The following ZEB2 variants were observed in gnomAD, a reference collection of about 807,000 sequenced individuals.
The protein encoded by ZEB2 is zinc finger E-box binding homeobox 2.
Under a neutral mutation model 99.9 loss-of-function variants are expected in ZEB2, and 6 were observed. That is an observed-to-expected ratio of 0.06 (90% CI 0.03 to 0.12). The LOEUF (loss-of-function observed/expected upper bound fraction) is 0.12, where lower values mean the gene tolerates loss of function less well. ZEB2 is among the 10% of genes least tolerant of loss of function. The pLI is 1.00. For missense variants in ZEB2, 969 were observed against 1,502.8 expected, an observed-to-expected ratio of 0.64 and a Z score of 5.87; for synonymous variants, 517 against 542.5, an observed-to-expected ratio of 0.95 and a Z score of 0.65.
At chr2:144,458,434 T>G (rs1704149756) in intron 2 of ZEB2, among the ~76,000 whole-genome samples, 1 of 152,094 alleles carries the variant, frequency 6.6e-6, no homozygotes, top group Non-Finnish European at 1.5e-5. Context: ...GGGTTTGCAG[T>G]TCTCGCCAGC....
chr2:144,438,994 A>G (rs1459462289), intron 2 of ZEB2, among the ~76,000 whole-genome samples: 2 of 152,132 alleles, frequency 1.3e-5, no homozygotes, highest in Non-Finnish European at 2.9e-5. Flanking sequence ...AAAGGAAGGG[A>G]GTCAGTGATG....
chr2:144,453,743 A>G (rs1208385822), intron 2 of ZEB2, among the ~76,000 whole-genome samples: 1 of 152,212 alleles, frequency 6.6e-6, no homozygotes, highest in Non-Finnish European at 1.5e-5. Context: ...AAGGGCAATC[A>G]GTGTGGAACT....
intron 4 of ZEB2, among the ~76,000 whole-genome samples, chr2:144,421,155 T>C (rs1324182896): frequency 6.6e-6 from 1 of 152,186 alleles, no homozygotes; most frequent in African/African-American, 2.4e-5. Flanking sequence ...CAAGTGCTGT[T>C]TGTCTCCCAT....
At chr2:144,400,900 T>C (rs1218758145) in intron 7 of ZEB2, among the ~76,000 whole-genome samples, 3 of 152,214 alleles carry the variant, frequency 2.0e-5, no homozygotes, top group African/African-American at 7.2e-5. Context: ...TTTCCTCAGG[T>C]CAGAAATATT....
At position 144,384,479 on chromosome 2, in the gene ZEB2, T is replaced by A. The variant is rs1456742713; in HGVS notation, c.*4972A>T. ...ACCCAAAAAATTGGACACAGCCTAC[T>A]AGCCCAAAAAGAACATGTTGCCAAT... On this transcript the variant is annotated 3_prime_UTR_variant, in exon 10 of 10. Coordinates refer to ENST00000627532, the MANE Select transcript of ZEB2 (RefSeq NM_014795.4). 6.6e-6 allele frequency: 1 copy of A among 152,152 alleles called. No homozygotes were observed. Among genetic ancestry groups the A allele is most frequent in the Admixed American group, 6.5e-5 (1 of 15,274 alleles). The allele number at this position is 152,152 out of a possible 1,614,324, so 9.4% of individuals were successfully genotyped here.
intron 2 of ZEB2, among the ~76,000 whole-genome samples, chr2:144,506,099 G>T (rs969854743): frequency 1.3e-5 from 2 of 152,216 alleles, no homozygotes; most frequent in African/African-American, 4.8e-5. Context: ...ATTAATAGGT[G>T]TAAGTTTCGT....
At chr2:144,472,189 TTTC>T (rs1704366435) in intron 2 of ZEB2, among the ~76,000 whole-genome samples, 1 of 145,198 alleles carries the variant, frequency 6.9e-6, no homozygotes, top group African/African-American at 2.6e-5. Context: ...TTGGTCATGT[TTTC>T]TTCATCATCA....
At chr2:144,422,871 G>T (rs781218903) in intron 4 of ZEB2, among the ~76,000 whole-genome samples, 1 of 152,044 alleles carries the variant, frequency 6.6e-6, no homozygotes, top group Non-Finnish European at 1.5e-5. Context: ...ATTTGTTGCA[G>T]GTTTATCACA....
At chr2:144,443,029 C>A (rs1388697589) in intron 2 of ZEB2, among the ~76,000 whole-genome samples, 1 of 151,798 alleles carries the variant, frequency 6.6e-6, no homozygotes, top group Non-Finnish European at 1.5e-5. Context: ...TAATGCAGTC[C>A]CTTATCAATG....
chr2:144,501,001 C>T (rs1456907081), intron 2 of ZEB2, among the ~76,000 whole-genome samples: 1 of 151,426 alleles, frequency 6.6e-6, no homozygotes, highest in Non-Finnish European at 1.5e-5. Flanking sequence ...TAAAGCTGTA[C>T]CTCATTGCAG....
At chr2:144,392,163 T>C (rs2149873699) in intron 9 of ZEB2, among the ~76,000 whole-genome samples, 1 of 152,366 alleles carries the variant, frequency 6.6e-6, no homozygotes, top group South Asian at 2.1e-4. Flanking sequence ...CTTGATGCTC[T>C]AGTTGCTACG....
chr2:144,469,470 G>A (rs543453900), intron 2 of ZEB2, among the ~76,000 whole-genome samples: 2 of 152,170 alleles, frequency 1.3e-5, no homozygotes, highest in East Asian at 1.9e-4. Flanking sequence ...CTCCCAATTA[G>A]TCACTATTCA....
chr2:144,446,611 C>T (rs1468335759), intron 2 of ZEB2, among the ~76,000 whole-genome samples: 4 of 152,120 alleles, frequency 2.6e-5, no homozygotes, highest in East Asian at 1.9e-4. Context: ...TATGGGTATT[C>T]GTAGATCCCA....
chr2:144,499,106 C>G (rs1283636180), intron 2 of ZEB2, among the ~76,000 whole-genome samples: 1 of 152,150 alleles, frequency 6.6e-6, no homozygotes, highest in Non-Finnish European at 1.5e-5. Flanking sequence ...TGATCTGCCA[C>G]AATTAAATAA....
intron 2 of ZEB2, among the ~76,000 whole-genome samples, chr2:144,437,736 C>T (rs886214124): frequency 2.0e-5 from 3 of 151,648 alleles, no homozygotes; most frequent in Non-Finnish European, 4.4e-5. Context: ...CTTGAATAAA[C>T]GGAATATAAA....
At position 144,429,825 on chromosome 2, in the gene ZEB2, C is replaced by A. The variant is rs1560620805; in HGVS notation, c.275G>T (p.Gly92Val). 6.2e-7 allele frequency: 1 copy of A among 1,613,778 alleles called. No individual in the cohort carries two copies. The highest frequency in any genetic ancestry group is 8.5e-7 in the Non-Finnish European group (1 of 1,179,860). The part of the protein sequence containing the change: ...EEEEDEIREG[G>V]VEHPWHNNEI... ...GTTGTTGTGCCAGGGGTGTTCCACTCCACCCTCCCTTATTTCATCTTCCTC... is the reference window on the plus strand; with the variant it reads ...GTTGTTGTGCCAGGGGTGTTCCACTACACCCTCCCTTATTTCATCTTCCTC... The change falls in exon 3 of 10, where the codon GGA becomes GTA. Residue 92 changes from glycine to valine, a missense_variant. By Grantham distance (109) the Gly-to-Val change is moderately radical. This residue lies in a region of ZEB2 where 173 missense variants were observed against 217.7 expected (regional missense o/e 0.79). Transcript: ENST00000627532.
rs1703263166 is a variant in ZEB2 at position 144,398,644 on chromosome 2, C to T, written c.2543G>A (p.Ser848Asn). 1.2e-6 allele frequency: 2 copies of T among 1,614,072 alleles called. No homozygotes were observed. Among genetic ancestry groups the T allele is most frequent in the Non-Finnish European group, 1.7e-6 (2 of 1,180,008 alleles). ...KASSISLDHN[S>N]VSSSSENSDE... ...TGAGTTTTCAGATGAGGAAGAAACA[C>T]TGTTATGATCTAAACTGATGCTACT... The change falls in exon 8 of 10, where the codon AGT becomes AAT. Residue 848 changes from serine (S) to asparagine (N), a missense_variant. By Grantham distance (46) the Ser-to-Asn change is conservative. Coordinates refer to ENST00000627532, the MANE Select transcript of ZEB2 (RefSeq NM_014795.4).
At position 144,386,426 on chromosome 2, in the gene ZEB2, T is replaced by A. The variant is rs886054878; in HGVS notation, c.*3025A>T. 1 of 152,108 alleles carries A rather than the reference T, an allele frequency of 6.6e-6. No homozygotes were observed. The highest frequency in any genetic ancestry group is 1.5e-5 in the Non-Finnish European group (1 of 68,008). 9.4% of individuals were successfully genotyped at this position (152,108 alleles called of 1,614,324 possible). On this transcript the variant is annotated 3_prime_UTR_variant, in exon 10 of 10. Transcript: ENST00000627532. ...CTCAGATATGGGACATTGTAGTGAT[T>A]GTCACAATTCACAAGTGTTATCCTG...
Position 144,399,777 on chromosome 2 carries a change from A to T in ZEB2, c.1410T>A (p.Thr470=), listed in dbSNP as rs34890427. The T allele has an allele frequency of 4.3e-4, 701 of 1,613,996 alleles. 4 individuals are homozygous for T. In the African/African-American group the frequency reaches 8.2e-3, roughly 19 times the overall value. The change falls in exon 8 of 10, where the codon ACT becomes ACA. Residue 470 remains threonine (T), a synonymous_variant. Transcript: ENST00000627532. The surrounding 1 kb of genome is among the most constrained non-coding windows in gnomAD (Gnocchi z 5.6). ...VQKVLQIVDN[T]VSRQKMDCKA... is the part of the protein sequence containing the mutation. The stretch of plus-strand genomic sequence containing the variant: ...TGCAGTCCATTTTTTGCCTGGAAAC[A>T]GTATTGTCCACAATCTGTAGAACCT...
Sources: allele counts gnomAD v4.1 joint callset (sites outside exome capture counted in the v4.1 genomes callset), GRCh38; gene constraint gnomAD v4.1.1; regional missense constraint gnomAD v4.1.1; non-coding constraint Gnocchi (gnomAD v3.1); transcripts MANE v1.5; gene names NCBI Gene and HGNC (gene_info 2026-07-23, HGNC 2026-07-21).